Variants in RELN observed in about 807,000 individuals in gnomAD.
The protein encoded by RELN is reelin.
RELN carries 108 observed loss-of-function variants against 427.6 expected under a neutral mutation model. The ratio of observed to expected loss-of-function variants is 0.25; its 90% confidence interval spans 0.22 to 0.30. The LOEUF is 0.30. Among genes scored for constraint, RELN ranks in the 10% least tolerant of loss-of-function variants. The pLI is 1.00. For synonymous variants in RELN, 1,524 were observed against 1,513.4 expected (o/e 1.01, Z -0.16); for missense variants, 3,715 against 4,302.8 (o/e 0.86, Z 3.82).
chr7:103,693,411 T>C (rs367629311), intron 10 of RELN, among the ~76,000 whole-genome samples: 68 of 152,076 alleles, frequency 4.5e-4, no homozygotes, highest in East Asian at 2.5e-3. Flanking sequence ...GCTTAGAAGC[T>C]AGATGACGGG....
At chr7:103,974,214 T>C (rs1299265166) in intron 1 of RELN, among the ~76,000 whole-genome samples, 4 of 152,228 alleles carry the variant, frequency 2.6e-5, no homozygotes, top group African/African-American at 4.8e-5. Context: ...GTTTTTCATA[T>C]GCAATAACTC....
intron 3 of RELN, 138 bp downstream of exon 3, chr7:103,833,399 T>C (rs1793322122): frequency 2.2e-6 from 2 of 897,968 alleles, no homozygotes; most frequent in South Asian, 1.5e-5. Flanking sequence ...TTTACCTTTT[T>C]TGGCAACAAA....
chr7:103,700,957 T>G lies in RELN; in HGVS notation c.855A>C (p.Leu285Phe). 1 of 1,612,702 alleles carries G rather than the reference T, an allele frequency of 6.2e-7. No individual in the cohort carries two copies. Among genetic ancestry groups the G allele is most frequent in the Non-Finnish European group, 8.5e-7 (1 of 1,178,816 alleles). Residue 285 changes from leucine (L) to phenylalanine (F), a missense_variant, in exon 9 of 65, where the codon TTA becomes TTC. Physicochemically the swap from Leu to Phe is conservative, Grantham distance 22 (BLOSUM62 0). Coordinates refer to ENST00000428762, the MANE Select transcript of RELN (RefSeq NM_005045.4). Reference sequence around the variant, plus strand: ...AGTCCGCAGAGTTATTCTTGGCATATAACACGATGATGCTGGGGTCTGAAT... The same window carrying G: ...AGTCCGCAGAGTTATTCTTGGCATAGAACACGATGATGCTGGGGTCTGAAT... ...FSYSDPSIIVLYAKNNSADWI... is the reference protein window; with the variant it reads ...FSYSDPSIIVFYAKNNSADWI...
At chr7:103,733,046 TAGGTCTAACGTTTA>T (rs1266437201) in intron 6 of RELN, among the ~76,000 whole-genome samples, 1 of 152,064 alleles carries the variant, frequency 6.6e-6, no homozygotes, top group Non-Finnish European at 1.5e-5. Context: ...TTTATGGTTT[TAGGTCTAACGTTTA>T]AGACTCTACA....
chr7:103,891,474 A>AC (rs1794848058), intron 2 of RELN, among the ~76,000 whole-genome samples: 1 of 152,074 alleles, frequency 6.6e-6, no homozygotes, highest in South Asian at 2.1e-4. Context: ...GTCTAGCATA[A>AC]CCCCTACTAT....
chr7:103,592,838 A>C (rs112265498), intron 27 of RELN, among the ~76,000 whole-genome samples: 2 of 152,190 alleles, frequency 1.3e-5, no homozygotes, highest in Non-Finnish European at 2.9e-5. Context: ...ATAGATTCAT[A>C]TATTGTTATT....
intron 50 of RELN, among the ~76,000 whole-genome samples, chr7:103,512,190 A>G (rs1829441640): frequency 6.6e-6 from 1 of 152,144 alleles, no homozygotes; most frequent in Non-Finnish European, 1.5e-5. Context: ...CCTGGCAACC[A>G]CCCTATTTAA....
In RELN at chr7:103,723,157, A is replaced by G. The variant is rs1382725888; in HGVS notation, c.788T>C (p.Val263Ala). Residue 263 changes from valine (V) to alanine (A), a missense_variant, in exon 8 of 65, where the codon GTC (valine) becomes GCC (alanine). Val to Ala is a moderately conservative substitution (Grantham distance 64). Around this residue, in one of 4 missense-constraint regions of RELN, gnomAD observed 2,208 missense variants for 2,361.7 expected, o/e 0.93. Coordinates refer to ENST00000428762, the MANE Select transcript of RELN (RefSeq NM_005045.4). ...ACACTTACCAATGGAAAATTGGAGG[A>G]CAGAAGCTGTTGTTGTATTAAGGCC... ...TTGLNTTTAS[V>A]LQFSIGSGSC... The G allele has an allele frequency of 6.3e-7, 1 of 1,598,356 alleles. No homozygotes were observed. Among genetic ancestry groups the G allele is most frequent in the Admixed American group, 1.7e-5 (1 of 59,886 alleles).
At chr7:103,721,146 T>C (rs138782292) in intron 8 of RELN, among the ~76,000 whole-genome samples, 1 of 152,240 alleles carries the variant, frequency 6.6e-6, no homozygotes, top group East Asian at 1.9e-4. Context: ...CCTGAAAAGA[T>C]TTATAAATGT....
chr7:103,764,319 T>C (rs1164809675), intron 4 of RELN, among the ~76,000 whole-genome samples: 1 of 152,128 alleles, frequency 6.6e-6, no homozygotes, highest in Non-Finnish European at 1.5e-5. Flanking sequence ...CCAAAAAGGT[T>C]GATACTATCC....
rs986906800 is a variant in RELN at position 103,569,722 on chromosome 7, A to C, written c.4588+2462T>G. ...AAAGAAGGAGAGCCTCTCAGATAAG[A>C]ATGAGAGGGTCGAGGAATGCAAGAA... On this transcript the variant is annotated intron_variant, in intron 31 of 64. Coordinates refer to ENST00000428762, the MANE Select transcript of RELN (RefSeq NM_005045.4). The surrounding 1 kb of genome is among the most constrained non-coding windows in gnomAD (Gnocchi z 4.0). 6.6e-6 allele frequency among the ~76,000 whole-genome samples: 1 copy of C among 152,198 alleles called. No homozygotes were observed. The highest frequency in any genetic ancestry group is 1.5e-5 in the Non-Finnish European group (1 of 68,048).
At chr7:103,761,933 T>C (rs1791310519) in intron 4 of RELN, among the ~76,000 whole-genome samples, 2 of 151,750 alleles carry the variant, frequency 1.3e-5, no homozygotes, top group South Asian at 4.2e-4. Flanking sequence ...GGAAGGAAAA[T>C]CACTAGGCTC....
At chr7:103,682,724 TA>T (rs1738821944) in intron 10 of RELN, among the ~76,000 whole-genome samples, 1 of 152,178 alleles carries the variant, frequency 6.6e-6, no homozygotes. Context: ...AACAGCCAGC[TA>T]ATCTAAACAT....
chr7:103,516,674 C>T (rs912080338), intron 49 of RELN, among the ~76,000 whole-genome samples: 1 of 152,094 alleles, frequency 6.6e-6, no homozygotes, highest in African/African-American at 2.4e-5. Flanking sequence ...TTGCAGAACT[C>T]CAAGGCAAGA....
intron 6 of RELN, among the ~76,000 whole-genome samples, chr7:103,732,453 A>G (rs935326705): frequency 1.3e-5 from 2 of 152,056 alleles, no homozygotes; most frequent in African/African-American, 4.8e-5. Flanking sequence ...TTTTTCTATC[A>G]ATAAAGTATT....
intron 1 of RELN, among the ~76,000 whole-genome samples, chr7:103,944,117 G>C (rs1796171325): frequency 1.3e-5 from 2 of 152,076 alleles, no homozygotes; most frequent in African/African-American, 2.4e-5. Context: ...ACTTACTGCA[G>C]GCGAATGGAG....
At chr7:103,583,030 T>C (rs1321938970) in intron 28 of RELN, among the ~76,000 whole-genome samples, 1 of 152,222 alleles carries the variant, frequency 6.6e-6, no homozygotes, top group African/African-American at 2.4e-5. Flanking sequence ...CTTAAAGCCA[T>C]ATGTCTCATT....
At chr7:103,475,244 A>C (rs1487530953) in intron 64 of RELN, among the ~76,000 whole-genome samples, 2 of 151,402 alleles carry the variant, frequency 1.3e-5, no homozygotes, top group East Asian at 1.9e-4. Context: ...GAACTCTCAT[A>C]GTGCTCATTT....
At chr7:103,579,030 T>C (rs953369239) in intron 28 of RELN, among the ~76,000 whole-genome samples, 1 of 152,224 alleles carries the variant, frequency 6.6e-6, no homozygotes, top group East Asian at 1.9e-4. Flanking sequence ...CTAGAAAGCA[T>C]CTACAGCACG....
Sources: allele counts gnomAD v4.1 joint callset (sites outside exome capture counted in the v4.1 genomes callset), GRCh38; gene constraint gnomAD v4.1.1; regional missense constraint gnomAD v4.1.1; non-coding constraint Gnocchi (gnomAD v3.1); transcripts MANE v1.5; gene names NCBI Gene and HGNC (gene_info 2026-07-23, HGNC 2026-07-21).